B3GNT5: variants seen among roughly 807,000 people sequenced by gnomAD.
The protein encoded by B3GNT5 is lactosylceramide 1,3-N-acetyl-beta-D-glucosaminyltransferase.
In B3GNT5, 11 loss-of-function variants were observed where a neutral mutation model predicts 25.9. The observed-to-expected ratio is 0.42, with a 90% CI of 0.27 to 0.70. The LOEUF is 0.70. Ranked by LOEUF, B3GNT5 falls within the 30% of genes least tolerant of loss-of-function variation. The pLI, the probability that B3GNT5 is intolerant of heterozygous loss-of-function variation, is 0.23. For synonymous variants in B3GNT5, 166 were observed against 158.6 expected, an observed-to-expected ratio of 1.05 and a Z score of -0.35; for missense variants, 385 against 458.4, an observed-to-expected ratio of 0.84 and a Z score of 1.46.
In B3GNT5 at chr3:183,257,958, C is replaced by CTTTTTTTTTTTTTTTTTT. The variant is rs35323502; in HGVS notation, c.-302+4496_-302+4513dup. Reference sequence around the variant, plus strand: ...TATTCCTTGCTCCCTCCACTTCACCCTTTTTTTTTTTTTTTTTTTTTTTTT... The same window carrying CTTTTTTTTTTTTTTTTTT: ...TATTCCTTGCTCCCTCCACTTCACCCTTTTTTTTTTTTTTTTTTTTTTTTTTTTTTTTTTTTTTTTTTT... On this transcript the variant is annotated intron_variant, in intron 1 of 1. Transcript: ENST00000326505. 4.6e-5 allele frequency among the ~76,000 whole-genome samples: 3 copies of CTTTTTTTTTTTTTTTTTT among 64,724 alleles called. 1 individual carries two copies. The highest frequency in any genetic ancestry group is 2.1e-4 in the African/African-American group (3 of 14,392). 42.5% of individuals were successfully genotyped at this position (64,724 alleles called of 152,430 possible). A position where few individuals can be genotyped will look rare whatever the true frequency, so the allele number is the denominator to read the frequency against.
chr3:183,270,193 G>A lies in B3GNT5; in HGVS notation c.395G>A (p.Gly132Glu). ...AACATCAAAACTCTGTTTGCCTTAG[G>A]AACTCCTAATCCACTGGAGGGAGAA... ...NANIKTLFAL[G>E]TPNPLEGEEL... The change falls in exon 2 of 2, where the codon GGA becomes GAA. Residue 132 changes from glycine (G) to glutamate (E), a missense_variant. Coordinates refer to ENST00000326505, the MANE Select transcript of B3GNT5 (RefSeq NM_032047.5). The surrounding 1 kb of genome is among the most constrained non-coding windows in gnomAD (Gnocchi z 4.5). 1 of 1,614,160 alleles carries A rather than the reference G, an allele frequency of 6.2e-7. No individual in the cohort carries two copies. Among genetic ancestry groups the A allele is most frequent in the Non-Finnish European group, 8.5e-7 (1 of 1,180,036 alleles).
rs548655785 is a variant in B3GNT5, at chr3:183,269,821, G to C, written c.23G>C (p.Arg8Thr). 1.2e-6 allele frequency: 2 copies of C among 1,609,564 alleles called. No homozygotes were observed. Among genetic ancestry groups the C allele is most frequent in the East Asian group, 2.2e-5 (1 of 44,884 alleles). Reference sequence around the variant, plus strand: ...GATATGAGAATGTTGGTTAGTGGCAGAAGAGTCAAAAAATGGCAGTTAATT... The same window carrying C: ...GATATGAGAATGTTGGTTAGTGGCACAAGAGTCAAAAAATGGCAGTTAATT... MRMLVSG[R>T]RVKKWQLIIQ... The change falls in exon 2 of 2, where the codon AGA becomes ACA. Residue 8 changes from arginine (R) to threonine (T), a missense_variant. Physicochemically the swap from Arg to Thr is moderately conservative, Grantham distance 71. Coordinates refer to ENST00000326505, the MANE Select transcript of B3GNT5 (RefSeq NM_032047.5).
chr3:183,270,479 C>T lies in B3GNT5; in HGVS notation c.681C>T (p.Ala227=). The change falls in exon 2 of 2, where the codon GCC becomes GCT. Residue 227 remains alanine (A), a synonymous_variant. Transcript: ENST00000326505. This position sits in a 1 kb window ranked among gnomAD's most constrained non-coding sequence, Gnocchi z 4.5. ...DFWIGRVHRG[A]PPIRDKSSKY... is the part of the protein sequence containing the mutation. ...GGATTGGTCGTGTTCATCGTGGTGC[C>T]CCTCCCATTAGAGATAAAAGCAGCA... 1 of 1,614,058 alleles carries T rather than the reference C, an allele frequency of 6.2e-7. No individual in the cohort carries two copies. Among genetic ancestry groups the T allele is most frequent in the Admixed American group, 1.7e-5 (1 of 60,014 alleles).
In B3GNT5 at chr3:183,270,611, AT is replaced by A; in HGVS notation, c.814del (p.Ser272HisfsTer4). 1.2e-6 allele frequency: 2 copies of A among 1,614,212 alleles called. No homozygotes were observed. The highest frequency in any genetic ancestry group is 1.7e-6 in the Non-Finnish European group (2 of 1,180,030). ...GDVAAKVYEASQTLNSSLYID... is the reference protein window; with the variant it reads ...GDVAAKVYEAXQTLNSSLYID... ...ATGTAGCTGCCAAAGTCTATGAGGC[AT>A]CACAGACACTAAATTCAAGTCTTTA... On this transcript the variant is annotated frameshift_variant, in exon 2 of 2. Coordinates refer to ENST00000326505, the MANE Select transcript of B3GNT5 (RefSeq NM_032047.5). LOFTEE classifies it high-confidence loss of function. This position sits in a 1 kb window ranked among gnomAD's most constrained non-coding sequence, Gnocchi z 4.5.
At position 183,269,857 on chromosome 3, in the gene B3GNT5, T is replaced by C. The variant is rs1176913018; in HGVS notation, c.59T>C (p.Phe20Ser). ...VKKWQLIIQL[F>S]ATCFLASLMF... ...AAATGGCAGTTAATTATTCAGTTATTTGCTACTTGTTTTTTAGCGAGCCTC... is the reference window on the plus strand; with the variant it reads ...AAATGGCAGTTAATTATTCAGTTATCTGCTACTTGTTTTTTAGCGAGCCTC... The change falls in exon 2 of 2, where the codon TTT becomes TCT. Residue 20 changes from phenylalanine (F) to serine (S), a missense_variant. By Grantham distance (155) the Phe-to-Ser change is radical (BLOSUM62 -2). Transcript: ENST00000326505. 2 of 1,613,926 alleles carry C rather than the reference T, an allele frequency of 1.2e-6. No individual in the cohort carries two copies. Among genetic ancestry groups the C allele is most frequent in the Middle Eastern group, 1.7e-4 (1 of 6,056 alleles).
At chr3:183,268,879 C>T (rs1295084034) in intron 1 of B3GNT5, among the ~76,000 whole-genome samples, 2 of 151,966 alleles carry the variant, frequency 1.3e-5, no homozygotes, top group African/African-American at 2.4e-5. Flanking sequence ...TACATTGAGG[C>T]GCCTGCTGCA....
chr3:183,262,616 G>A (rs1439204751), intron 1 of B3GNT5, among the ~76,000 whole-genome samples: 1 of 151,866 alleles, frequency 6.6e-6, no homozygotes, highest in Non-Finnish European at 1.5e-5. Flanking sequence ...GGGGAACTAG[G>A]GAGCCCATGA....
rs1402396954 is a variant in B3GNT5 at position 183,270,872 on chromosome 3, G to C, written c.1074G>C (p.Lys358Asn). 1 of 1,610,118 alleles carries C rather than the reference G, an allele frequency of 6.2e-7. No homozygotes were observed. Among genetic ancestry groups the C allele is most frequent in the Non-Finnish European group, 8.5e-7 (1 of 1,178,872 alleles). Residue 358 changes from lysine to asparagine, a missense_variant, in exon 2 of 2, where the codon AAG (lysine) becomes AAC (asparagine). By Grantham distance (94) the Lys-to-Asn change is moderately conservative (BLOSUM62 0). Coordinates refer to ENST00000326505, the MANE Select transcript of B3GNT5 (RefSeq NM_032047.5). This position sits in a 1 kb window ranked among gnomAD's most constrained non-coding sequence, Gnocchi z 4.5. ...FFGQIYCRLM[K>N]IILLCKISYV... Reference sequence around the variant, plus strand: ...GTCAAATATACTGCAGATTAATGAAGATAATTCTCCTTTGTAAAATTAGCT... The same window carrying C: ...GTCAAATATACTGCAGATTAATGAACATAATTCTCCTTTGTAAAATTAGCT...
chr3:183,260,089 A>C (rs1725449353), intron 1 of B3GNT5, among the ~76,000 whole-genome samples: 1 of 152,008 alleles, frequency 6.6e-6, no homozygotes, highest in Non-Finnish European at 1.5e-5. Context: ...GGTGAGGAAC[A>C]CAGGGATGGG....
intron 1 of B3GNT5, chr3:183,253,750 G>T (rs1262182492): frequency 6.6e-6 from 1 of 152,422 alleles, no homozygotes; most frequent in Non-Finnish European, 1.5e-5. Context: ...TTCCCTGGGC[G>T]TAGGGCCCGC....
At chr3:183,265,841 A>G (rs1281440038) in intron 1 of B3GNT5, 1 of 152,158 alleles carries the variant, frequency 6.6e-6, no homozygotes, top group African/African-American at 2.4e-5. Flanking sequence ...ATTTATGTAA[A>G]TGGTGGCTAA....
intron 1 of B3GNT5, among the ~76,000 whole-genome samples, chr3:183,266,946 C>T (rs1001905846): frequency 6.6e-6 from 1 of 152,152 alleles, no homozygotes. Flanking sequence ...ACCACCACAC[C>T]CGGCTAATTT....
intron 1 of B3GNT5, among the ~76,000 whole-genome samples, chr3:183,256,487 A>C (rs983686804): frequency 6.6e-6 from 1 of 152,206 alleles, no homozygotes; most frequent in African/African-American, 2.4e-5. Flanking sequence ...TAATTCTACA[A>C]ATTCAGTTGC....
At chr3:183,257,957 CCTT>C (rs1198071226) in intron 1 of B3GNT5, among the ~76,000 whole-genome samples, 9 of 101,326 alleles carry the variant, frequency 8.9e-5, no homozygotes, top group Admixed American at 7.3e-4. Context: ...TCCACTTCAC[CCTT>C]TTTTTTTTTT....
chr3:183,260,475 T>C (rs996925179), intron 1 of B3GNT5, among the ~76,000 whole-genome samples: 1 of 152,234 alleles, frequency 6.6e-6, no homozygotes, highest in African/African-American at 2.4e-5. Flanking sequence ...TTGACCTCTC[T>C]GAGACCTCCT....
intron 1 of B3GNT5, among the ~76,000 whole-genome samples, chr3:183,256,591 G>A (rs913306588): frequency 4.6e-5 from 7 of 152,314 alleles, no homozygotes; most frequent in African/African-American, 1.7e-4. Flanking sequence ...TCTACCAAGT[G>A]TGTAGGCAAC....
At position 183,270,181 on chromosome 3, in the gene B3GNT5, T is replaced by G. The variant is rs768413971; in HGVS notation, c.383T>G (p.Leu128Arg). 6.2e-7 allele frequency: 1 copy of G among 1,614,222 alleles called. No individual in the cohort carries two copies. ...RSQLNANIKT[L>R]FALGTPNPLE... ...CAGCTGAATGCCAACATCAAAACTC[T>G]GTTTGCCTTAGGAACTCCTAATCCA... Residue 128 changes from leucine to arginine, a missense_variant, in exon 2 of 2, where the codon CTG (leucine) becomes CGG (arginine). Leu to Arg is a moderately radical substitution (Grantham distance 102). Transcript: ENST00000326505. This position sits in a 1 kb window ranked among gnomAD's most constrained non-coding sequence, Gnocchi z 4.5.
At position 183,270,509 on chromosome 3, in the gene B3GNT5, C is replaced by A; in HGVS notation, c.711C>A (p.Tyr237Ter). The A allele has an allele frequency of 6.2e-7, 1 of 1,614,046 alleles. No homozygotes were observed. Among genetic ancestry groups the A allele is most frequent in the Non-Finnish European group, 8.5e-7 (1 of 1,180,024 alleles). Residue 237 changes from tyrosine (Y) to a stop codon, truncating the protein, a stop_gained, in exon 2 of 2, where the codon TAC (tyrosine) becomes TAA (stop). Transcript: ENST00000326505. LOFTEE classifies it high-confidence loss of function. This position sits in a 1 kb window ranked among gnomAD's most constrained non-coding sequence, Gnocchi z 4.5. The part of the protein sequence containing the change: ...APPIRDKSSK[Y>*]YVSYEMYQWP... ...CCATTAGAGATAAAAGCAGCAAATACTACGTGTCCTATGAAATGTACCAGT... is the reference window on the plus strand; with the variant it reads ...CCATTAGAGATAAAAGCAGCAAATAATACGTGTCCTATGAAATGTACCAGT...
chr3:183,258,984 T>C (rs1725338690), intron 1 of B3GNT5, among the ~76,000 whole-genome samples: 1 of 152,202 alleles, frequency 6.6e-6, no homozygotes, highest in Admixed American at 6.5e-5. Context: ...TAGTGCATAA[T>C]GACAAGAAAA....
Sources: allele counts gnomAD v4.1 joint callset (sites outside exome capture counted in the v4.1 genomes callset), GRCh38; gene constraint gnomAD v4.1.1; non-coding constraint Gnocchi (gnomAD v3.1); transcripts MANE v1.5; gene names NCBI Gene and HGNC (gene_info 2026-07-23, HGNC 2026-07-21).